The following TRAF2 variants were observed in gnomAD, a reference collection of about 807,000 sequenced individuals.
TRAF2 encodes TNF receptor-associated factor 2.
Under a neutral mutation model 55.6 loss-of-function variants are expected in TRAF2, and 6 were observed. The ratio of observed to expected loss-of-function variants is 0.11; its 90% CI spans 0.06 to 0.21. The LOEUF (loss-of-function observed/expected upper bound fraction) is 0.21. TRAF2 is among the 10% of genes least tolerant of loss of function. The pLI is 1.00. For synonymous variants in TRAF2, 329 were observed against 276.3 expected, an observed-to-expected ratio of 1.19 and a Z score of -1.89; for missense variants, 561 against 684.5, an observed-to-expected ratio of 0.82 and a Z score of 2.01.
chr9:136,889,136 C>G (rs764518631), intron 1 of TRAF2, among the ~76,000 whole-genome samples: 1 of 152,032 alleles, frequency 6.6e-6, no homozygotes, highest in Non-Finnish European at 1.5e-5. Context: ...GCTGGGATTA[C>G]AGGTGTGAGC....
At chr9:136,916,416 T>C (rs1334031259) in intron 6 of TRAF2, 125 bp from the exon 7 acceptor site, 2 of 875,548 alleles carry the variant, frequency 2.3e-6, no homozygotes, top group Non-Finnish European at 3.8e-6. Flanking sequence ...TTTCATTCAG[T>C]GTGAGAGTGA....
intron 4 of TRAF2, among the ~76,000 whole-genome samples, chr9:136,907,720 G>C (rs1449270931): frequency 6.6e-6 from 1 of 152,088 alleles, no homozygotes; most frequent in African/African-American, 2.4e-5. Flanking sequence ...TTAGGAGCTG[G>C]TGTGTGTGGC....
At chr9:136,924,560 C>G (rs1309427705) in intron 10 of TRAF2, among the ~76,000 whole-genome samples, 1 of 151,772 alleles carries the variant, frequency 6.6e-6, no homozygotes, top group Non-Finnish European at 1.5e-5. Flanking sequence ...AGAGGGGGCT[C>G]TAAATAAATG....
chr9:136,886,732 G>A, intron 1 of TRAF2, 191 bp downstream of exon 1: 5 of 332,996 alleles, frequency 1.5e-5, no homozygotes, highest in Non-Finnish European at 2.1e-5. Context: ...CCGCTGGGCC[G>A]GAAACCAAGT....
At chr9:136,890,107 C>A (rs1183932104) in intron 1 of TRAF2, among the ~76,000 whole-genome samples, 6 of 144,976 alleles carry the variant, frequency 4.1e-5, no homozygotes, top group African/African-American at 1.6e-4. Flanking sequence ...TTCAGCCGGT[C>A]ACCGCGTGTG....
chr9:136,894,262 G>T (rs1208606955), intron 1 of TRAF2, among the ~76,000 whole-genome samples: 1 of 151,692 alleles, frequency 6.6e-6, no homozygotes, highest in Non-Finnish European at 1.5e-5. Flanking sequence ...GGCCAGGATG[G>T]TCTCGATCTC....
chr9:136,902,362 C>G (rs1366418297), intron 4 of TRAF2: 1 of 152,350 alleles, frequency 6.6e-6, no homozygotes, highest in African/African-American at 2.4e-5. Flanking sequence ...CGCCATGCCA[C>G]CCTTTGAGAG....
At chr9:136,917,712 T>C (rs1850275113) in intron 7 of TRAF2, among the ~76,000 whole-genome samples, 3 of 152,200 alleles carry the variant, frequency 2.0e-5, no homozygotes, top group Admixed American at 1.3e-4. Flanking sequence ...AGGTATTGTG[T>C]TTTTTTCCTA....
chr9:136,907,820 G>C (rs541392337), intron 4 of TRAF2, among the ~76,000 whole-genome samples: 2 of 152,122 alleles, frequency 1.3e-5, no homozygotes, highest in Non-Finnish European at 1.5e-5. Flanking sequence ...CATCCACACA[G>C]AGACCCCCAT....
intron 1 of TRAF2, chr9:136,889,453 T>A (rs1430906160): frequency 6.6e-6 from 1 of 151,980 alleles, no homozygotes; most frequent in Admixed American, 6.6e-5. Context: ...CCGGCTAATT[T>A]TTGTGTTTTT....
At chr9:136,908,367 C>A in intron 5 of TRAF2, 136 bp downstream of exon 5, 2 of 996,222 alleles carry the variant, frequency 2.0e-6, no homozygotes, top group Non-Finnish European at 2.8e-6. Context: ...TGGAGACACG[C>A]GGGCGGATGT....
chr9:136,892,534 C>G (rs949836261), intron 1 of TRAF2, among the ~76,000 whole-genome samples: 2 of 152,036 alleles, frequency 1.3e-5, no homozygotes, highest in Admixed American at 6.6e-5. Flanking sequence ...ATTTCTTTGT[C>G]CAAAGTGGAT....
At chr9:136,893,766 T>TC (rs924002562) in intron 1 of TRAF2, among the ~76,000 whole-genome samples, 21 of 152,290 alleles carry the variant, frequency 1.4e-4, no homozygotes, top group African/African-American at 4.8e-4. Context: ...ACTTTTTTTT[T>TC]CGAGACGGAG....
intron 2 of TRAF2, 150 bp from the exon 3 acceptor site, chr9:136,899,444 T>G (rs1849764570): frequency 4.9e-6 from 3 of 618,294 alleles, no homozygotes; most frequent in Non-Finnish European, 8.4e-6. Flanking sequence ...TTAAAACATG[T>G]CCTGTTAACA....
chr9:136,891,203 G>C (rs980537240), intron 1 of TRAF2, among the ~76,000 whole-genome samples: 1 of 152,190 alleles, frequency 6.6e-6, no homozygotes. Flanking sequence ...CCGCCTCTCA[G>C]GTTTGAGCGA....
At chr9:136,882,565 G>C (rs944485270), upstream of TRAF2, 62 of 636,342 alleles carry the variant, frequency 9.7e-5, no homozygotes, top group African/African-American at 1.0e-3. Context: ...TCCTCAGGCA[G>C]TGAGAGGGTG....
upstream of TRAF2, among the ~76,000 whole-genome samples, chr9:136,883,030 TC>T (rs1253520727): frequency 7.2e-5 from 11 of 151,970 alleles, no homozygotes. Context: ...GCCATCATGT[TC>T]AGTTAATTTT....
chr9:136,911,204 C>G (rs1299955498), intron 6 of TRAF2, among the ~76,000 whole-genome samples: 1 of 152,052 alleles, frequency 6.6e-6, no homozygotes, highest in African/African-American at 2.4e-5. Context: ...GGTTTTGTCC[C>G]CACCCATCAC....
At chr9:136,892,266 A>G (rs1849595820) in intron 1 of TRAF2, among the ~76,000 whole-genome samples, 1 of 151,806 alleles carries the variant, frequency 6.6e-6, no homozygotes, top group African/African-American at 2.4e-5. Context: ...GATCGAGACC[A>G]TCCTGGCTAA....
Sources: gnomAD v4.1 joint callset for allele counts (sites outside exome capture counted in the v4.1 genomes callset) on GRCh38, gnomAD v4.1.1 for gene constraint, MANE v1.5 for transcripts, NCBI Gene and HGNC (gene_info 2026-07-23, HGNC 2026-07-21) for gene names.